Variants in NRG1 observed in about 807,000 individuals in gnomAD.
The protein encoded by NRG1 is neuregulin 1.
Under a neutral mutation model 63.8 loss-of-function variants are expected in NRG1, and 18 were observed. That is an observed-to-expected ratio of 0.28 (90% CI 0.19 to 0.42). The LOEUF is 0.42. Ranked by LOEUF, NRG1 falls within the 10% of genes least tolerant of loss-of-function variation. The pLI is 1.00. For synonymous variants in NRG1, 302 were observed against 301.3 expected (o/e 1.00, Z -0.02); for missense variants, 762 against 814.7 (o/e 0.94, Z 0.79).
rs534020990 is a variant in NRG1 at position 31,981,446 on chromosome 8, C to G, written c.37+342015C>G. ...AATAAACTCTTTTTAAACTAGAAAA[C>G]AAAAACAAAGGAAACAACAAAAAAG... On this transcript the variant is annotated intron_variant, in intron 1 of 10. Coordinates refer to the NRG1 transcript ENST00000519301. Among the ~76,000 whole-genome samples the G allele has an allele frequency of 7.6e-4, 115 of 151,878 alleles. No homozygotes were observed. In the Middle Eastern group the frequency reaches 0.014, roughly 18 times the overall value.
Position 31,852,892 on chromosome 8 carries a change from C to T in NRG1, c.37+213461C>T, listed in dbSNP as rs569555870. Among the ~76,000 whole-genome samples, 6 of 152,192 alleles carry T rather than the reference C, an allele frequency of 3.9e-5. No individual in the cohort carries two copies. In the South Asian group the frequency reaches 1.2e-3, roughly 32 times the overall value. The stretch of plus-strand genomic sequence containing the variant: ...ATCCTTTCCCCATTGCTTGTTTTTC[C>T]TCAGGTTTGTCAAAGATCAGATAGT... On this transcript the variant is annotated intron_variant, in intron 1 of 10. Coordinates refer to the NRG1 transcript ENST00000519301.
chr8:32,297,781 C>T (rs1855069606), intron 1 of NRG1, among the ~76,000 whole-genome samples: 2 of 152,200 alleles, frequency 1.3e-5, no homozygotes, highest in Admixed American at 1.3e-4. Context: ...CAAAGCCAGT[C>T]AATCCTAAAT....
intron 1 of NRG1, among the ~76,000 whole-genome samples, chr8:32,321,874 G>T (rs1008785475): frequency 6.6e-6 from 1 of 150,886 alleles, no homozygotes; most frequent in Admixed American, 6.6e-5. Context: ...TATTATATAA[G>T]CTAGACCTCA....
chr8:32,483,440 T>TC (rs1387630279), intron 1 of NRG1, among the ~76,000 whole-genome samples: 1 of 152,158 alleles, frequency 6.6e-6, no homozygotes, highest in Non-Finnish European at 1.5e-5. Flanking sequence ...CTTTTCCTTC[T>TC]CCCCCCATGA....
chr8:32,702,760 G>A (rs1343221543), intron 5 of NRG1, among the ~76,000 whole-genome samples: 1 of 152,150 alleles, frequency 6.6e-6, no homozygotes, highest in African/African-American at 2.4e-5. Context: ...GGGATTACAG[G>A]TGTGAGCCAC....
At chr8:32,147,693 G>A (rs1005594497) in intron 1 of NRG1, among the ~76,000 whole-genome samples, 3 of 151,950 alleles carry the variant, frequency 2.0e-5, no homozygotes, top group Non-Finnish European at 4.4e-5. Flanking sequence ...CTGTCTTCTG[G>A]TCCAAGCTTG....
intron 1 of NRG1, among the ~76,000 whole-genome samples, chr8:32,041,446 G>A (rs533400173): frequency 2.0e-5 from 3 of 152,308 alleles, no homozygotes; most frequent in South Asian, 4.1e-4. Context: ...AATTGTAGCA[G>A]ACGGACTGAG....
At chr8:31,824,551 G>A (rs557817964) in intron 1 of NRG1, among the ~76,000 whole-genome samples, 2 of 152,156 alleles carry the variant, frequency 1.3e-5, no homozygotes, top group Non-Finnish European at 2.9e-5. Context: ...CTACTTCTGG[G>A]TTGGCTGAGA....
intron 1 of NRG1, among the ~76,000 whole-genome samples, chr8:32,057,466 C>T (rs1348190197): frequency 6.6e-6 from 1 of 152,130 alleles, no homozygotes; most frequent in African/African-American, 2.4e-5. Context: ...CAGCTTCTGA[C>T]ATAGCTTGTG....
chr8:32,553,862 T>C (rs950815966), intron 1 of NRG1, among the ~76,000 whole-genome samples: 2 of 152,224 alleles, frequency 1.3e-5, no homozygotes, highest in Non-Finnish European at 2.9e-5. Flanking sequence ...ATTTCTAGTT[T>C]TTTATTTCCT....
intron 1 of NRG1, among the ~76,000 whole-genome samples, chr8:32,091,272 G>C (rs1829109231): frequency 7.4e-6 from 1 of 134,550 alleles, no homozygotes; most frequent in East Asian, 3.2e-4. Context: ...AGCGAGACTT[G>C]GTCTCAAAAA....
At chr8:32,542,256 T>C (rs1357612944) in intron 1 of NRG1, among the ~76,000 whole-genome samples, 1 of 152,238 alleles carries the variant, frequency 6.6e-6, no homozygotes, top group Middle Eastern at 3.2e-3. Context: ...TGAGAGATTA[T>C]ACTGATTAGT....
chr8:32,546,112 A>G (rs1833037488), upstream of NRG1, among the ~76,000 whole-genome samples: 1 of 152,154 alleles, frequency 6.6e-6, no homozygotes, highest in South Asian at 2.1e-4. Flanking sequence ...ATGTATGCTT[A>G]ATTTTGGAAG....
intron 1 of NRG1, among the ~76,000 whole-genome samples, chr8:31,794,674 A>T (rs1563410230): frequency 1.3e-5 from 2 of 152,070 alleles, no homozygotes; most frequent in Non-Finnish European, 2.9e-5. Context: ...TATAATAATT[A>T]TTATTATTGT....
intron 1 of NRG1, among the ~76,000 whole-genome samples, chr8:31,979,624 T>G (rs1021959115): frequency 6.6e-6 from 1 of 152,108 alleles, no homozygotes; most frequent in African/African-American, 2.4e-5. Context: ...GCACTGAAAT[T>G]GTATACTGCT....
At chr8:31,945,554 G>A (rs1032382498) in intron 1 of NRG1, among the ~76,000 whole-genome samples, 1 of 152,160 alleles carries the variant, frequency 6.6e-6, no homozygotes, top group Non-Finnish European at 1.5e-5. Context: ...GTGATGTCTT[G>A]CCATCTGCAG....
At chr8:31,734,052 A>G (rs1814398488) in intron 1 of NRG1, among the ~76,000 whole-genome samples, 1 of 152,140 alleles carries the variant, frequency 6.6e-6, no homozygotes, top group African/African-American at 2.4e-5. Flanking sequence ...CTTTTTAAGC[A>G]GAGCACAGGC....
chr8:32,770,721 A>ACTCT (rs1831727325), downstream of NRG1, among the ~76,000 whole-genome samples: 1 of 151,848 alleles, frequency 6.6e-6, no homozygotes, highest in Admixed American at 6.6e-5. Flanking sequence ...TGGTCAAAGC[A>ACTCT]CTCTCCCCAC....
At chr8:32,606,005 C>T (rs969175389) in intron 3 of NRG1, among the ~76,000 whole-genome samples, 1 of 151,212 alleles carries the variant, frequency 6.6e-6, no homozygotes, top group African/African-American at 2.4e-5. Flanking sequence ...AAGTCTTTGG[C>T]TCTCTGAACA....
Sources: gnomAD v4.1 joint callset for allele counts (sites outside exome capture counted in the v4.1 genomes callset) on GRCh38, gnomAD v4.1.1 for gene constraint, MANE v1.5 for transcripts, NCBI Gene and HGNC (gene_info 2026-07-23, HGNC 2026-07-21) for gene names.